RASGRP4: variants seen among roughly 807,000 people sequenced by gnomAD.
RASGRP4 encodes RAS guanyl-releasing protein 4.
RASGRP4 carries 52 observed loss-of-function variants against 84.4 expected under a neutral mutation model. The observed-to-expected ratio is 0.62, with a 90% CI of 0.49 to 0.78. The LOEUF (loss-of-function observed/expected upper bound fraction) is 0.78, where lower values mean the gene tolerates loss of function less well. Ranked by LOEUF, RASGRP4 falls within the 30% of genes least tolerant of loss-of-function variation. The pLI, the probability that RASGRP4 is intolerant of heterozygous loss-of-function variation, is 0.00. For synonymous variants in RASGRP4, 356 were observed against 359.1 expected (o/e 0.99, Z 0.10); for missense variants, 760 against 886.9 (o/e 0.86, Z 1.82).
At chr19:38,415,842 T>C (rs1971477777) in intron 8 of RASGRP4, among the ~76,000 whole-genome samples, 2 of 151,016 alleles carry the variant, frequency 1.3e-5, no homozygotes, top group Admixed American at 1.3e-4. Flanking sequence ...GCGGATCATC[T>C]GAGGTCAGGA....
rs1463271199 is a variant in RASGRP4, at chr19:38,425,949, C to A, written c.23+120G>T. ...CTCCCTGAAGCATCCACCTGGCCCC[C>A]CTGCGCCTGATCCCAAAGAAGTCAG... On this transcript the variant is annotated intron_variant, in intron 1 of 16. Coordinates refer to ENST00000615439, the MANE Select transcript of RASGRP4 (RefSeq NM_170604.3). 3.7e-5 allele frequency: 30 copies of A among 803,966 alleles called. No individual in the cohort carries two copies. In the East Asian group the frequency reaches 8.7e-4, roughly 23 times the overall value. The allele number at this position is 803,966 out of a possible 1,614,324, so 49.8% of individuals were successfully genotyped here. A position where few individuals can be genotyped will look rare whatever the true frequency, so the allele number is the denominator to read the frequency against.
intron 8 of RASGRP4, among the ~76,000 whole-genome samples, chr19:38,415,425 T>A (rs1411767784): frequency 1.3e-5 from 2 of 148,408 alleles, no homozygotes; most frequent in Admixed American, 1.4e-4. Context: ...CAGGCTAGAG[T>A]GCAGTGGCGT....
chr19:38,426,010 C>G, intron 1 of RASGRP4, 59 bp downstream of exon 1: 5 of 1,325,524 alleles, frequency 3.8e-6, no homozygotes, highest in Non-Finnish European at 4.9e-6. Context: ...CTCCCCAGCC[C>G]TCCCATGCAG....
rs1971312132 is a variant in RASGRP4 at position 38,412,685 on chromosome 19, C to T, written c.1667G>A (p.Ser556Asn). ...VTFRKPTFCDSCSGFLWGVTK... is the reference protein window; with the variant it reads ...VTFRKPTFCDNCSGFLWGVTK... ...TGGGGTGCTCACGAAGCCACTGCAG[C>T]TGTCGCAGAAGGTAGGCTTTCGGAA... The change falls in exon 13 of 17, where the codon AGC becomes AAC. Residue 556 changes from serine to asparagine, a missense_variant. By Grantham distance (46) the Ser-to-Asn change is conservative (BLOSUM62 1). Coordinates refer to ENST00000615439, the MANE Select transcript of RASGRP4 (RefSeq NM_170604.3). The surrounding 1 kb of genome is among the most constrained non-coding windows in gnomAD (Gnocchi z 4.6). 1.9e-6 allele frequency: 3 copies of T among 1,613,110 alleles called. No homozygotes were observed. The highest frequency in any genetic ancestry group is 1.1e-5 in the South Asian group (1 of 90,950).
At position 38,413,112 on chromosome 19, in the gene RASGRP4, A is replaced by C; in HGVS notation, c.1417-63T>G. The C allele has an allele frequency of 6.4e-7, 1 of 1,574,160 alleles. No homozygotes were observed. Among genetic ancestry groups the C allele is most frequent in the Non-Finnish European group, 8.7e-7 (1 of 1,143,946 alleles). On this transcript the variant is annotated intron_variant, in intron 11 of 16. Coordinates refer to ENST00000615439, the MANE Select transcript of RASGRP4 (RefSeq NM_170604.3). The surrounding 1 kb of genome is among the most constrained non-coding windows in gnomAD (Gnocchi z 4.7). The stretch of plus-strand genomic sequence containing the variant: ...GTCGAAATATGATCCCCATGGCCAT[A>C]AGTCCCCACCTCCAGGCTCAGGGTT...
chr19:38,413,533 C>G lies in RASGRP4; in HGVS notation c.1231-59G>C. ...TCTATAGCCCTGCCCCAGACCCCCA[C>G]ACCCACTCGCAGGCTCTTCCCAAAG... On this transcript the variant is annotated intron_variant, in intron 9 of 16. Transcript: ENST00000615439. The surrounding 1 kb of genome is among the most constrained non-coding windows in gnomAD (Gnocchi z 4.7). 7.2e-7 allele frequency: 1 copy of G among 1,389,570 alleles called. No individual in the cohort carries two copies. Among genetic ancestry groups the G allele is most frequent in the Non-Finnish European group, 1.0e-6 (1 of 1,000,002 alleles). 86.1% of individuals were successfully genotyped at this position (1,389,570 alleles called of 1,614,324 possible). A position where few individuals can be genotyped will look rare whatever the true frequency, so the allele number is the denominator to read the frequency against.
At chr19:38,420,410 C>T in intron 4 of RASGRP4, 148 bp from the exon 5 acceptor site, 1 of 808,090 alleles carries the variant, frequency 1.2e-6, no homozygotes, top group Non-Finnish European at 1.9e-6. Flanking sequence ...TTTGGAGGGG[C>T]ACCAGGCTTG....
At chr19:38,420,386 C>T in intron 4 of RASGRP4, 124 bp from the exon 5 acceptor site, 1 of 1,084,236 alleles carries the variant, frequency 9.2e-7, no homozygotes, top group Non-Finnish European at 1.3e-6. Context: ...GTGGGGGTCC[C>T]TGGAGGGTTG....
chr19:38,419,037 C>A (rs184959934), intron 6 of RASGRP4, among the ~76,000 whole-genome samples: 4 of 152,096 alleles, frequency 2.6e-5, no homozygotes, highest in Admixed American at 6.5e-5. Context: ...TCATTTCATA[C>A]CCACATCCAC....
chr19:38,422,463 G>A lies in RASGRP4; in HGVS notation c.24-310C>T, dbSNP rs192609916. On this transcript the variant is annotated intron_variant, in intron 1 of 16. Transcript: ENST00000615439. ...CTGGGACACAGACAGGTACCAGTCC[G>A]TGGCCTGTTAGGAACCAGCGGGCAA... 2.2e-3 allele frequency among the ~76,000 whole-genome samples: 333 copies of A among 152,282 alleles called. 2 individuals are homozygous for A. The highest frequency in any genetic ancestry group is 4.1e-3 in the Admixed American group (63 of 15,302).
At chr19:38,421,833 G>A (rs1405310223) in intron 2 of RASGRP4, 136 bp downstream of exon 2, 1 of 567,396 alleles carries the variant, frequency 1.8e-6, no homozygotes, top group African/African-American at 2.0e-5. Flanking sequence ...AGGTGTTTCT[G>A]TTATCTCTAA....
At chr19:38,421,045 A>ACGACTCTG in intron 3 of RASGRP4, 50 bp downstream of exon 3, 1 of 1,606,972 alleles carries the variant, frequency 6.2e-7, no homozygotes, top group East Asian at 2.2e-5. Flanking sequence ...CCAGGTTCTC[A>ACGACTCTG]CGACTCTGCC....
At chr19:38,415,512 A>T (rs1397130704) in intron 8 of RASGRP4, among the ~76,000 whole-genome samples, 1 of 151,072 alleles carries the variant, frequency 6.6e-6, no homozygotes, top group Non-Finnish European at 1.5e-5. Flanking sequence ...AGCTGGGATT[A>T]CAGGCATTGA....
At position 38,417,957 on chromosome 19, in the gene RASGRP4, G is replaced by A. The variant is rs1171956043; in HGVS notation, c.837+434C>T. ...TCCGGAAAGGAGGGGGAAGGGAGGG[G>A]AAGAGAAGGGCGTAACACAATGGGG... On this transcript the variant is annotated intron_variant, in intron 7 of 16. Transcript: ENST00000615439. The surrounding 1 kb of genome is among the most constrained non-coding windows in gnomAD (Gnocchi z 5.1). 6.7e-6 allele frequency among the ~76,000 whole-genome samples: 1 copy of A among 148,960 alleles called. No homozygotes were observed.
In RASGRP4 at chr19:38,418,434, A is replaced by T. The variant is rs769872818; in HGVS notation, c.794T>A (p.Leu265Gln). Residue 265 changes from leucine to glutamine, a missense_variant, in exon 7 of 17, where the codon CTA becomes CAA. Coordinates refer to ENST00000615439, the MANE Select transcript of RASGRP4 (RefSeq NM_170604.3). This position sits in a 1 kb window ranked among gnomAD's most constrained non-coding sequence, Gnocchi z 4.6. ...QVMVLSRPGP[L>Q]QRAQVLDKFI... The stretch of plus-strand genomic sequence containing the variant: ...CTTGTCCAGCACCTGTGCACGCTGT[A>T]GGGGCCCGGGACGGCTCAGCACCAT... 5.6e-6 allele frequency: 9 copies of T among 1,605,252 alleles called. No homozygotes were observed. In the African/African-American group the frequency reaches 6.7e-5, roughly 12 times the overall value.
chr19:38,414,935 G>C lies in RASGRP4; in HGVS notation c.1143C>G (p.Asn381Lys). The C allele has an allele frequency of 6.2e-7, 1 of 1,613,484 alleles. No homozygotes were observed. The highest frequency in any genetic ancestry group is 8.5e-7 in the Non-Finnish European group (1 of 1,179,714). ...DGRLHLPKLNNLYLRLQELVA... is the reference protein window; with the variant it reads ...DGRLHLPKLNKLYLRLQELVA... Reference sequence around the variant, plus strand: ...CCAGCTCCTGCAGCCGCAGGTAGAGGTTGTTCAGCTTGGGTAGGTGCAGGC... The same window carrying C: ...CCAGCTCCTGCAGCCGCAGGTAGAGCTTGTTCAGCTTGGGTAGGTGCAGGC... The change falls in exon 9 of 17, where the codon AAC (asparagine) becomes AAG (lysine). Residue 381 changes from asparagine to lysine, a missense_variant. Asn to Lys is a moderately conservative substitution (Grantham distance 94, BLOSUM62 0). Coordinates refer to ENST00000615439, the MANE Select transcript of RASGRP4 (RefSeq NM_170604.3).
Position 38,418,256 on chromosome 19 carries a change from C to G in RASGRP4, c.837+135G>C. 1 of 892,582 alleles carries G rather than the reference C, an allele frequency of 1.1e-6. No individual in the cohort carries two copies. The highest frequency in any genetic ancestry group is 1.7e-6 in the Non-Finnish European group (1 of 578,098). 55.3% of individuals were successfully genotyped at this position (892,582 alleles called of 1,614,324 possible). A position where few individuals can be genotyped will look rare whatever the true frequency, so the allele number is the denominator to read the frequency against. On this transcript the variant is annotated intron_variant, in intron 7 of 16. Transcript: ENST00000615439. The surrounding 1 kb of genome is among the most constrained non-coding windows in gnomAD (Gnocchi z 4.6). ...ACGGTCCTTGGTTGGAATGCCCAGG[C>G]TGTGGCCTCGGGGGCGGGGCCGGGA...
At position 38,418,146 on chromosome 19, in the gene RASGRP4, G is replaced by A. The variant is rs1461674195; in HGVS notation, c.837+245C>T. ...CCTGGGGATAGAATATTCGGGCATA[G>A]GGCTTGGGAGCCTGTCACGTCTAGG... On this transcript the variant is annotated intron_variant, in intron 7 of 16. Coordinates refer to ENST00000615439, the MANE Select transcript of RASGRP4 (RefSeq NM_170604.3). The surrounding 1 kb of genome is among the most constrained non-coding windows in gnomAD (Gnocchi z 4.6). 6.6e-6 allele frequency among the ~76,000 whole-genome samples: 1 copy of A among 152,130 alleles called. No homozygotes were observed. Among genetic ancestry groups the A allele is most frequent in the Non-Finnish European group, 1.5e-5 (1 of 68,014 alleles).
chr19:38,418,157 C>T lies in RASGRP4; in HGVS notation c.837+234G>A, dbSNP rs1186483382. ...AATATTCGGGCATAGGGCTTGGGAGCCTGTCACGTCTAGGGCCAAGGGGTG... is the reference window on the plus strand; with the variant it reads ...AATATTCGGGCATAGGGCTTGGGAGTCTGTCACGTCTAGGGCCAAGGGGTG... On this transcript the variant is annotated intron_variant, in intron 7 of 16. Coordinates refer to ENST00000615439, the MANE Select transcript of RASGRP4 (RefSeq NM_170604.3). The surrounding 1 kb of genome is among the most constrained non-coding windows in gnomAD (Gnocchi z 4.6). 6.6e-6 allele frequency among the ~76,000 whole-genome samples: 1 copy of T among 151,988 alleles called. No homozygotes were observed. The highest frequency in any genetic ancestry group is 1.5e-5 in the Non-Finnish European group (1 of 67,988).
Sources: gnomAD v4.1 joint callset for allele counts (sites outside exome capture counted in the v4.1 genomes callset) on GRCh38, gnomAD v4.1.1 for gene constraint, Gnocchi (gnomAD v3.1) non-coding constraint, MANE v1.5 for transcripts, NCBI Gene and HGNC (gene_info 2026-07-23, HGNC 2026-07-21) for gene names.